The following KIF26B variants were observed in gnomAD, a reference collection of about 807,000 sequenced individuals.
KIF26B encodes the protein kinesin family member 26B.
Under a neutral mutation model 151.2 loss-of-function variants are expected in KIF26B, and 63 were observed. That is an observed-to-expected ratio of 0.42 (90% confidence interval 0.34 to 0.51). KIF26B has a LOEUF of 0.51. Among genes scored for constraint, KIF26B ranks in the 20% least tolerant of loss-of-function variants. KIF26B has a pLI of 0.07. For missense variants in KIF26B, 2,813 were observed against 2,913.6 expected, an observed-to-expected ratio of 0.97 and a Z score of 0.79; for synonymous variants, 1,357 against 1,262.1, an observed-to-expected ratio of 1.08 and a Z score of -1.59.
intron 2 of KIF26B, among the ~76,000 whole-genome samples, chr1:245,276,963 A>G (rs182724751): frequency 1.3e-5 from 2 of 152,268 alleles, no homozygotes; most frequent in East Asian, 3.9e-4. Context: ...TTTCAATGAT[A>G]AGTGTCATGA....
chr1:245,233,066 C>T (rs1208147832), intron 2 of KIF26B, among the ~76,000 whole-genome samples: 10 of 152,188 alleles, frequency 6.6e-5, no homozygotes, highest in Admixed American at 5.2e-4. Context: ...GCATCTTCAT[C>T]TCACTTGTGG....
intron 10 of KIF26B, among the ~76,000 whole-genome samples, chr1:245,668,979 A>ACT (rs2044250758): frequency 1.3e-5 from 2 of 152,234 alleles, no homozygotes; most frequent in Non-Finnish European, 2.9e-5. Context: ...GGCATGAGCC[A>ACT]CTGTGCCTGG....
At chr1:245,256,625 C>T (rs1223030766) in intron 2 of KIF26B, among the ~76,000 whole-genome samples, 2 of 152,140 alleles carry the variant, frequency 1.3e-5, no homozygotes, top group South Asian at 2.1e-4. Context: ...CTCCTCTCCG[C>T]GAAGGGCATT....
chr1:245,294,809 C>G (rs180955044), intron 2 of KIF26B, among the ~76,000 whole-genome samples: 1 of 143,858 alleles, frequency 7.0e-6, no homozygotes, highest in East Asian at 1.9e-4. Flanking sequence ...ATTACAGGCA[C>G]CCACCAACAG....
intron 4 of KIF26B, among the ~76,000 whole-genome samples, chr1:245,511,338 C>A (rs576681246): frequency 6.6e-6 from 1 of 152,230 alleles, no homozygotes; most frequent in Non-Finnish European, 1.5e-5. Flanking sequence ...AAGAGACACA[C>A]AAACTACCGA....
intron 10 of KIF26B, among the ~76,000 whole-genome samples, chr1:245,658,427 G>A (rs932843046): frequency 2.0e-5 from 3 of 152,134 alleles, no homozygotes; most frequent in Non-Finnish European, 4.4e-5. Context: ...GAGACAGGGT[G>A]TCACTCCGTC....
At chr1:245,189,079 C>T (rs945867082) in intron 2 of KIF26B, among the ~76,000 whole-genome samples, 11 of 152,162 alleles carry the variant, frequency 7.2e-5, no homozygotes, top group Admixed American at 2.6e-4. Flanking sequence ...GTTTAACATA[C>T]AGAGTTTCAA....
chr1:245,491,481 A>G (rs1660408279), intron 4 of KIF26B, among the ~76,000 whole-genome samples: 1 of 152,098 alleles, frequency 6.6e-6, no homozygotes, highest in African/African-American at 2.4e-5. Context: ...CATGATCCTG[A>G]CCTAACTTGG....
At chr1:245,483,272 G>A (rs1306375372) in intron 4 of KIF26B, among the ~76,000 whole-genome samples, 2 of 151,874 alleles carry the variant, frequency 1.3e-5, no homozygotes, top group African/African-American at 2.4e-5. Context: ...CAAGGCATGT[G>A]CTGGGTGCAC....
chr1:245,164,691 A>G (rs1298414203), intron 2 of KIF26B, among the ~76,000 whole-genome samples: 13 of 152,204 alleles, frequency 8.5e-5, no homozygotes. Flanking sequence ...AAGGCCTTGT[A>G]GGCTATAGGC....
intron 2 of KIF26B, among the ~76,000 whole-genome samples, chr1:245,288,924 C>A (rs1671210253): frequency 8.5e-6 from 1 of 117,900 alleles, no homozygotes; most frequent in Non-Finnish European, 1.7e-5. Context: ...CTAAACAATG[C>A]CACAACTGTT....
intron 4 of KIF26B, among the ~76,000 whole-genome samples, chr1:245,505,486 G>A (rs1329541592): frequency 3.3e-5 from 5 of 152,206 alleles, no homozygotes; most frequent in African/African-American, 9.6e-5. Context: ...CCCAGGTTCA[G>A]TGATTCTCCT....
chr1:245,361,412 T>C (rs1171512520), intron 2 of KIF26B, among the ~76,000 whole-genome samples: 1 of 152,238 alleles, frequency 6.6e-6, no homozygotes, highest in African/African-American at 2.4e-5. Context: ...TCTTTTTTTG[T>C]CTCTGTGAAC....
rs1166262024 is a variant in KIF26B at position 245,367,175 on chromosome 1, C to T, written c.807C>T (p.Ser269=). 3 of 1,607,444 alleles carry T rather than the reference C, an allele frequency of 1.9e-6. No individual in the cohort carries two copies. The highest frequency in any genetic ancestry group is 2.5e-6 in the Non-Finnish European group (3 of 1,177,032). The change falls in exon 3 of 15, where the codon AGC becomes AGT. Residue 269 remains serine, a synonymous_variant. Transcript: ENST00000407071. The surrounding 1 kb of genome is among the most constrained non-coding windows in gnomAD (Gnocchi z 4.2). ...GFANKHGSKP[S]SLGVSNGAEK... is the part of the protein sequence containing the mutation. ...CCAACAAGCACGGCAGCAAACCCAG[C>T]AGCCTTGGGGTCAGCAATGGGGCGG...
rs1163087628 is a variant in KIF26B at position 245,381,038 on chromosome 1, G to A, written c.999+13671G>A. On this transcript the variant is annotated intron_variant, in intron 3 of 14. Coordinates refer to ENST00000407071, the MANE Select transcript of KIF26B (RefSeq NM_018012.4). ...TTTAGCCAACCTAAGAAGCTGAGTGGTCCTGGTAGAATCCCACCGTAAAGT... is the reference window on the plus strand; with the variant it reads ...TTTAGCCAACCTAAGAAGCTGAGTGATCCTGGTAGAATCCCACCGTAAAGT... Among the ~76,000 whole-genome samples, 7 of 151,970 alleles carry A rather than the reference G, an allele frequency of 4.6e-5. No homozygotes were observed. In the East Asian group the frequency reaches 1.2e-3, roughly 25 times the overall value.
intron 4 of KIF26B, among the ~76,000 whole-genome samples, chr1:245,467,259 A>G (rs1353534508): frequency 6.6e-6 from 1 of 152,224 alleles, no homozygotes; most frequent in African/African-American, 2.4e-5. Flanking sequence ...AGGATGAGGA[A>G]AAAAGTGGCA....
chr1:245,279,322 T>A (rs1670996692), intron 2 of KIF26B, among the ~76,000 whole-genome samples: 1 of 151,266 alleles, frequency 6.6e-6, no homozygotes, highest in Admixed American at 6.6e-5. Context: ...TTTTTTTTTT[T>A]TAGAGAGGAG....
chr1:245,617,368 G>A (rs1223177469), intron 9 of KIF26B, among the ~76,000 whole-genome samples: 1 of 152,152 alleles, frequency 6.6e-6, no homozygotes, highest in Admixed American at 6.5e-5. Flanking sequence ...CAAAGTGCTG[G>A]GATTACCATA....
intron 4 of KIF26B, among the ~76,000 whole-genome samples, chr1:245,478,429 C>CTTTT (rs1660088146): frequency 7.1e-4 from 18 of 25,342 alleles, no homozygotes; most frequent in Admixed American, 1.3e-3. Context: ...ATCTGACTCG[C>CTTTT]ATTTTTTTTT....
Sources: allele counts gnomAD v4.1 joint callset (sites outside exome capture counted in the v4.1 genomes callset), GRCh38; gene constraint gnomAD v4.1.1; non-coding constraint Gnocchi (gnomAD v3.1); transcripts MANE v1.5; gene names NCBI Gene and HGNC (gene_info 2026-07-23, HGNC 2026-07-21).